The following CHST11 variants were observed in gnomAD, a reference collection of about 807,000 sequenced individuals.
The protein encoded by CHST11 is C4S-1.
Under a neutral mutation model 30.4 loss-of-function variants are expected in CHST11, and 9 were observed. The ratio of observed to expected loss-of-function variants is 0.30; its 90% confidence interval spans 0.18 to 0.52. The LOEUF (loss-of-function observed/expected upper bound fraction) is 0.52, where lower values mean the gene tolerates loss of function less well. CHST11 is among the 20% of genes least tolerant of loss of function. The pLI, the probability that CHST11 is intolerant of heterozygous loss-of-function variation, is 0.97. For synonymous variants in CHST11, 152 were observed against 187.8 expected (o/e 0.81, Z 1.56); for missense variants, 348 against 460.6 (o/e 0.76, Z 2.24).
intron 1 of CHST11, among the ~76,000 whole-genome samples, chr12:104,562,437 G>A (rs964688744): frequency 2.6e-5 from 4 of 152,148 alleles, no homozygotes; most frequent in African/African-American, 7.2e-5. Flanking sequence ...AGGAAAAAGC[G>A]CAGAGCCCGT....
At chr12:104,735,980 G>T (rs910939162) in intron 2 of CHST11, among the ~76,000 whole-genome samples, 1 of 152,172 alleles carries the variant, frequency 6.6e-6, no homozygotes, top group Non-Finnish European at 1.5e-5. Context: ...CAGGATGCGG[G>T]GTTGTGGCCA....
intron 1 of CHST11, among the ~76,000 whole-genome samples, chr12:104,560,631 G>A (rs2038504635): frequency 6.6e-6 from 1 of 152,222 alleles, no homozygotes; most frequent in Non-Finnish European, 1.5e-5. Context: ...AAGGTTTCTA[G>A]TTCCAGTTCC....
intron 1 of CHST11, among the ~76,000 whole-genome samples, chr12:104,525,045 G>A (rs530994770): frequency 5.9e-5 from 9 of 151,394 alleles, no homozygotes; most frequent in Admixed American, 5.9e-4. Context: ...CCAGAAAAAA[G>A]ATCAAATCTT....
intron 2 of CHST11, among the ~76,000 whole-genome samples, chr12:104,711,473 T>C (rs1233397264): frequency 2.0e-5 from 3 of 152,226 alleles, no homozygotes; most frequent in Non-Finnish European, 4.4e-5. Context: ...AGGCTCATTT[T>C]TTTTTTAAAG....
At chr12:104,568,290 C>T (rs1214181275) in intron 1 of CHST11, among the ~76,000 whole-genome samples, 1 of 152,198 alleles carries the variant, frequency 6.6e-6, no homozygotes, top group Non-Finnish European at 1.5e-5. Flanking sequence ...CTAGCAGCTA[C>T]CGTTGCCATG....
At chr12:104,522,881 T>G (rs2038087340) in intron 1 of CHST11, among the ~76,000 whole-genome samples, 1 of 152,188 alleles carries the variant, frequency 6.6e-6, no homozygotes, top group Non-Finnish European at 1.5e-5. Context: ...TCATCATCCT[T>G]GATAAAGGCA....
chr12:104,517,652 C>T (rs898749987), intron 1 of CHST11, among the ~76,000 whole-genome samples: 2 of 152,130 alleles, frequency 1.3e-5, no homozygotes, highest in African/African-American at 4.8e-5. Flanking sequence ...GTTCTAGATG[C>T]CATCACCCTC....
intron 1 of CHST11, chr12:104,514,456 C>T (rs147062800): frequency 7.7e-6 from 6 of 774,324 alleles, no homozygotes; most frequent in Non-Finnish European, 1.4e-5. Context: ...GTGGGGGTCA[C>T]CTGCCTGTCC....
chr12:104,745,966 C>T (rs1245860787), intron 2 of CHST11, among the ~76,000 whole-genome samples: 1 of 152,140 alleles, frequency 6.6e-6, no homozygotes, highest in African/African-American at 2.4e-5. Context: ...CCAGAAATTC[C>T]AATACTATGT....
At chr12:104,672,323 G>A (rs995629796) in intron 2 of CHST11, among the ~76,000 whole-genome samples, 2 of 152,100 alleles carry the variant, frequency 1.3e-5, no homozygotes, top group African/African-American at 4.8e-5. Flanking sequence ...CTCCATTAGG[G>A]GCCCGGCTGT....
rs185387910 is a variant in CHST11 at position 104,709,599 on chromosome 12, C to T, written c.205-47350C>T. Among the ~76,000 whole-genome samples, 47 of 152,212 alleles carry T rather than the reference C, an allele frequency of 3.1e-4. 4 individuals are homozygous for T. Among genetic ancestry groups the T allele is most frequent in the African/African-American group, 1.0e-3 (42 of 41,540 alleles). On this transcript the variant is annotated intron_variant, in intron 2 of 2. Coordinates refer to ENST00000303694, the MANE Select transcript of CHST11 (RefSeq NM_018413.6). ...TGAGGCAGGTGCTACTGTGACCTGC[C>T]GAGAACCCAAGACTAGGAAGCTGCA... is the stretch of plus-strand genomic sequence containing the variant.
chr12:104,748,624 CA>C (rs2040406905), intron 2 of CHST11, among the ~76,000 whole-genome samples: 2 of 152,002 alleles, frequency 1.3e-5, no homozygotes, highest in African/African-American at 4.8e-5. Flanking sequence ...GAGAAGGCAG[CA>C]AGCAAGGCAC....
chr12:104,525,898 A>G (rs2038120999), intron 1 of CHST11, among the ~76,000 whole-genome samples: 1 of 124,928 alleles, frequency 8.0e-6, no homozygotes, highest in South Asian at 2.8e-4. Context: ...TGTTTTTTGC[A>G]GTTCAAGGAT....
chr12:104,657,420 G>C (rs1285207949), intron 2 of CHST11, among the ~76,000 whole-genome samples: 1 of 152,100 alleles, frequency 6.6e-6, no homozygotes, highest in Non-Finnish European at 1.5e-5. Flanking sequence ...CGTTCATGGA[G>C]AGAAGTATAA....
At chr12:104,707,279 T>C (rs1427643188) in intron 2 of CHST11, among the ~76,000 whole-genome samples, 1 of 152,228 alleles carries the variant, frequency 6.6e-6, no homozygotes, top group Non-Finnish European at 1.5e-5. Flanking sequence ...TGAAACCCCT[T>C]CCTACAGAGT....
At chr12:104,643,197 A>G (rs1477719891) in intron 2 of CHST11, among the ~76,000 whole-genome samples, 1 of 151,960 alleles carries the variant, frequency 6.6e-6, no homozygotes, top group African/African-American at 2.4e-5. Flanking sequence ...ATGACGGCAC[A>G]TGCCTGTAGT....
At chr12:104,744,622 T>A (rs549965970) in intron 2 of CHST11, among the ~76,000 whole-genome samples, 27 of 152,326 alleles carry the variant, frequency 1.8e-4, no homozygotes, top group African/African-American at 4.8e-4. Flanking sequence ...ATCCCACTTG[T>A]CAGTTTTTGC....
At chr12:104,472,060 A>G (rs140233090) in intron 1 of CHST11, among the ~76,000 whole-genome samples, 2 of 152,214 alleles carry the variant, frequency 1.3e-5, no homozygotes, top group East Asian at 3.9e-4. Flanking sequence ...TCCTGGGCTC[A>G]AGGAATTCTC....
intron 2 of CHST11, among the ~76,000 whole-genome samples, chr12:104,623,919 CT>C (rs1436798951): frequency 6.6e-6 from 1 of 152,096 alleles, no homozygotes; most frequent in Non-Finnish European, 1.5e-5. Flanking sequence ...GCCACGAAGC[CT>C]TGTGTAGTCT....
Sources: allele counts gnomAD v4.1 joint callset (sites outside exome capture counted in the v4.1 genomes callset), GRCh38; gene constraint gnomAD v4.1.1; transcripts MANE v1.5; gene names NCBI Gene and HGNC (gene_info 2026-07-23, HGNC 2026-07-21).